Variants in PTPRM observed in about 807,000 individuals in gnomAD.
The protein encoded by PTPRM is receptor-type tyrosine-protein phosphatase mu.
A neutral mutation model predicts 186.7 loss-of-function variants in PTPRM; 47 were observed. The observed-to-expected ratio is 0.25, with a 90% CI of 0.20 to 0.32. The LOEUF (loss-of-function observed/expected upper bound fraction) is 0.32. Ranked by LOEUF, PTPRM falls within the 10% of genes least tolerant of loss-of-function variation. The probability of loss-of-function intolerance (pLI) is 1.00; values close to 1 mark genes in which losing one functional copy is unlikely to be tolerated. For synonymous variants in PTPRM, 668 were observed against 674.9 expected (o/e 0.99, Z 0.16); for missense variants, 1,494 against 1,865.0 (o/e 0.80, Z 3.66).
chr18:8,112,860 C>T (rs2091816949), intron 11 of PTPRM, among the ~76,000 whole-genome samples: 1 of 152,166 alleles, frequency 6.6e-6, no homozygotes, highest in African/African-American at 2.4e-5. Flanking sequence ...ATTAGTTAGT[C>T]TTACTAATCA....
intron 1 of PTPRM, among the ~76,000 whole-genome samples, chr18:7,626,103 C>T (rs574437230): frequency 6.6e-6 from 1 of 152,152 alleles, no homozygotes; most frequent in East Asian, 1.9e-4. Flanking sequence ...AATTTTAGCA[C>T]CTTTTCCTCT....
chr18:7,984,878 T>TAA (rs1321768567), intron 7 of PTPRM, among the ~76,000 whole-genome samples: 42 of 129,024 alleles, frequency 3.3e-4, no homozygotes, highest in African/African-American at 1.1e-3. Context: ...TATATACATA[T>TAA]AATTATATAT....
At chr18:8,343,666 G>A (rs1305246038) in intron 23 of PTPRM, 146 bp downstream of exon 23, 3 of 617,840 alleles carry the variant, frequency 4.9e-6, no homozygotes, top group Non-Finnish European at 8.1e-6. Context: ...TGCTGCACTT[G>A]CTTATAAATT....
chr18:7,938,884 T>C (rs1723459279), intron 5 of PTPRM, among the ~76,000 whole-genome samples: 1 of 152,230 alleles, frequency 6.6e-6, no homozygotes, highest in Admixed American at 6.5e-5. Flanking sequence ...CTTGTCAATA[T>C]ATATTGCTAG....
intron 2 of PTPRM, among the ~76,000 whole-genome samples, chr18:7,786,707 C>T (rs2043111691): frequency 6.6e-6 from 1 of 152,166 alleles, no homozygotes; most frequent in African/African-American, 2.4e-5. Context: ...GGTGTCACCT[C>T]CCTAATTGTA....
At position 8,201,101 on chromosome 18, in the gene PTPRM, A is replaced by C. The variant is rs773107522; in HGVS notation, c.2301-42957A>C. ...GAAGCTGAGGCAGACAGATCACCTG[A>C]GATCAGGAGTTCAAGACCAGACTGG... On this transcript the variant is annotated intron_variant, in intron 14 of 32. Transcript: ENST00000580170. Among the ~76,000 whole-genome samples, 19 of 152,180 alleles carry C rather than the reference A, an allele frequency of 1.2e-4. 1 individual carries two copies. The highest frequency in any genetic ancestry group is 2.6e-4 in the Non-Finnish European group (18 of 68,030).
chr18:8,171,001 G>C (rs559542357), intron 14 of PTPRM, among the ~76,000 whole-genome samples: 2 of 152,312 alleles, frequency 1.3e-5, no homozygotes, highest in African/African-American at 4.8e-5. Context: ...TTCCGATGGG[G>C]CCTCTGTGTG....
Position 8,340,992 on chromosome 18 carries a change from A to G in PTPRM, c.2957-2431A>G, listed in dbSNP as rs7232800. Among the ~76,000 whole-genome samples the G allele has an allele frequency of 8.3e-3, 1,261 of 152,298 alleles. 9 individuals carry two copies. Among genetic ancestry groups the G allele is most frequent in the African/African-American group, 0.029 (1,218 of 41,568 alleles). On this transcript the variant is annotated intron_variant, in intron 22 of 32. Coordinates refer to ENST00000580170, the MANE Select transcript of PTPRM (RefSeq NM_001105244.2). ...GTTACCTAGGGTGATGGACTGAGCT[A>G]AGCTGAAAGCAGAGCCTTGGGTGGG...
At chr18:8,044,649 C>T (rs957570105) in intron 7 of PTPRM, among the ~76,000 whole-genome samples, 2 of 149,464 alleles carry the variant, frequency 1.3e-5, no homozygotes, top group African/African-American at 2.5e-5. Flanking sequence ...CCCAGCTAAT[C>T]GGGAGGCTGA....
At chr18:8,387,048 C>T (rs199764460) in intron 30 of PTPRM, 24 bp from the exon 31 acceptor site, 13 of 1,567,714 alleles carry the variant, frequency 8.3e-6, no homozygotes, top group South Asian at 3.3e-5. Context: ...TTCCACTCCC[C>T]GATTGTTGCC....
chr18:7,644,846 A>T (rs1200792602), intron 1 of PTPRM, among the ~76,000 whole-genome samples: 1 of 152,214 alleles, frequency 6.6e-6, no homozygotes, highest in African/African-American at 2.4e-5. Flanking sequence ...ATATACGCTT[A>T]TATCAGTTAA....
At chr18:8,102,127 AT>A (rs1042295022) in intron 11 of PTPRM, among the ~76,000 whole-genome samples, 1 of 152,220 alleles carries the variant, frequency 6.6e-6, no homozygotes, top group African/African-American at 2.4e-5. Flanking sequence ...TAAAAAATAC[AT>A]TATTGCTAAA....
rs758781333 is a variant in PTPRM, at chr18:8,295,564, G to A, written c.2755-804G>A. Among the ~76,000 whole-genome samples the A allele has an allele frequency of 2.5e-4, 38 of 152,264 alleles. 1 individual carries two copies. Among genetic ancestry groups the A allele is most frequent in the South Asian group, 2.1e-4 (1 of 4,818 alleles). ...CCCTCTCTCTTCCTTCCCAGTGGGT[G>A]CCAGGAAGTATGTGAGTACCGTGGC... On this transcript the variant is annotated intron_variant, in intron 19 of 32. Transcript: ENST00000580170.
chr18:7,873,786 T>G (rs1326776859), intron 2 of PTPRM, among the ~76,000 whole-genome samples: 1 of 152,208 alleles, frequency 6.6e-6, no homozygotes, highest in African/African-American at 2.4e-5. Context: ...CTGACCATGA[T>G]CATTAATAAA....
chr18:7,964,064 A>G (rs1048501691), intron 7 of PTPRM, among the ~76,000 whole-genome samples: 2 of 151,950 alleles, frequency 1.3e-5, no homozygotes, highest in Non-Finnish European at 2.9e-5. Flanking sequence ...TGATGATGAC[A>G]TGATTAATTT....
chr18:7,946,256 A>G (rs2052517149), intron 5 of PTPRM, among the ~76,000 whole-genome samples: 1 of 152,240 alleles, frequency 6.6e-6, no homozygotes, highest in Non-Finnish European at 1.5e-5. Context: ...TTTTTGAATA[A>G]ACATTCTTTT....
intron 7 of PTPRM, among the ~76,000 whole-genome samples, chr18:7,990,640 G>A (rs2083218288): frequency 6.6e-6 from 1 of 152,216 alleles, no homozygotes; most frequent in Admixed American, 6.5e-5. Flanking sequence ...GATTCATGGA[G>A]ATGAAGCTCT....
At chr18:8,207,643 A>G (rs2093949208) in intron 14 of PTPRM, among the ~76,000 whole-genome samples, 1 of 152,260 alleles carries the variant, frequency 6.6e-6, no homozygotes, top group African/African-American at 2.4e-5. Context: ...AGTGTTAGCA[A>G]TTCTGAATAG....
At chr18:8,015,989 T>A (rs1017570044) in intron 7 of PTPRM, among the ~76,000 whole-genome samples, 1 of 152,168 alleles carries the variant, frequency 6.6e-6, no homozygotes, top group African/African-American at 2.4e-5. Flanking sequence ...CTAAGAAGTG[T>A]AGTCTTTTAA....
Sources: gnomAD v4.1 joint callset for allele counts (sites outside exome capture counted in the v4.1 genomes callset) on GRCh38, gnomAD v4.1.1 for gene constraint, MANE v1.5 for transcripts, NCBI Gene and HGNC (gene_info 2026-07-23, HGNC 2026-07-21) for gene names.